The following TRPM3 variants were observed in gnomAD, a reference collection of about 807,000 sequenced individuals.
TRPM3 encodes long transient receptor potential channel 3.
TRPM3 carries 77 observed loss-of-function variants against 181.2 expected under a neutral mutation model. The ratio of observed to expected loss-of-function variants is 0.42; its 90% CI spans 0.35 to 0.51. TRPM3 has a LOEUF of 0.51. Ranked by LOEUF, TRPM3 falls within the 20% of genes least tolerant of loss-of-function variation. The probability of loss-of-function intolerance (pLI) is 0.01; values close to 1 mark genes in which losing one functional copy is unlikely to be tolerated. For missense variants in TRPM3, 1,759 were observed against 2,196.7 expected, an observed-to-expected ratio of 0.80 and a Z score of 3.98; for synonymous variants, 745 against 796.4, an observed-to-expected ratio of 0.94 and a Z score of 1.09.
At chr9:71,215,026 CAAAAAACAAAAAAA>C (rs1256873148) in intron 1 of TRPM3, among the ~76,000 whole-genome samples, 1 of 15,236 alleles carries the variant, frequency 6.6e-5, no homozygotes, top group Non-Finnish European at 1.4e-4. Context: ...TCTGCCTCAC[CAAAAAACAAAAAAA>C]AAAAAACAAA....
Position 70,535,246 on chromosome 9 carries a change from A to C in TRPM3, c.*707T>G. Reference sequence around the variant, plus strand: ...TCTTCTTTCATTTCGATTGCAATACAAAAAGGCATTTCTGTTCCCTTATTT... The same window carrying C: ...TCTTCTTTCATTTCGATTGCAATACCAAAAGGCATTTCTGTTCCCTTATTT... On this transcript the variant is annotated 3_prime_UTR_variant, in exon 26 of 26. Transcript: ENST00000677713. The C allele has an allele frequency of 3.0e-6, 2 of 676,794 alleles. No individual in the cohort carries two copies. The highest frequency in any genetic ancestry group is 4.8e-6 in the Non-Finnish European group (2 of 418,384). 41.9% of individuals were successfully genotyped at this position (676,794 alleles called of 1,614,324 possible).
intron 1 of TRPM3, among the ~76,000 whole-genome samples, chr9:71,274,802 T>C (rs887608349): frequency 6.6e-6 from 1 of 152,288 alleles, no homozygotes; most frequent in Non-Finnish European, 1.5e-5. Flanking sequence ...GCTTCTAGTA[T>C]GTTTTGTGAC....
chr9:70,544,999 C>T lies in TRPM3; in HGVS notation c.3707+4543G>A, dbSNP rs2044464254. 3.9e-5 allele frequency among the ~76,000 whole-genome samples: 6 copies of T among 152,018 alleles called. No homozygotes were observed. The South Asian group carries it at 1.2e-3, about 32-fold the overall frequency. On this transcript the variant is annotated intron_variant, in intron 25 of 25. Transcript: ENST00000677713. ...TCACCATTTATTGAAAGCATAATAC[C>T]TCATATATGCCCCTCAATAACTTTT...
At chr9:70,568,037 T>C (rs917137231) in intron 22 of TRPM3, among the ~76,000 whole-genome samples, 7 of 152,166 alleles carry the variant, frequency 4.6e-5, no homozygotes, top group African/African-American at 1.7e-4. Context: ...AATACTAAGT[T>C]AAGCTAACAA....
intron 1 of TRPM3, among the ~76,000 whole-genome samples, chr9:71,268,215 A>T (rs1011138319): frequency 6.6e-6 from 1 of 151,194 alleles, no homozygotes; most frequent in Non-Finnish European, 1.5e-5. Context: ...ACAATGCCCT[A>T]CTAAAAATAC....
chr9:71,057,709 T>A (rs1220194098), intron 1 of TRPM3, among the ~76,000 whole-genome samples: 1 of 152,090 alleles, frequency 6.6e-6, no homozygotes, highest in Admixed American at 6.6e-5. Flanking sequence ...CAAGTTCTGA[T>A]GATAAAGTAC....
At chr9:70,677,603 T>C (rs894179058) in intron 9 of TRPM3, among the ~76,000 whole-genome samples, 1 of 152,240 alleles carries the variant, frequency 6.6e-6, no homozygotes, top group African/African-American at 2.4e-5. Flanking sequence ...TGTGTTAGCA[T>C]TCCATCAGAC....
Position 71,406,366 on chromosome 9 carries a change from G to T in TRPM3, c.183+40287C>A, listed in dbSNP as rs542030456. ...AGAACTTAACTAAAATTGTCCTCAA[G>T]GAATAAAAGGACAGAAAGCTATGTT... On this transcript the variant is annotated intron_variant, in intron 1 of 24. Transcript: ENST00000357533. Among the ~76,000 whole-genome samples, 3 of 152,204 alleles carry T rather than the reference G, an allele frequency of 2.0e-5. No individual in the cohort carries two copies. The South Asian group carries it at 6.2e-4, about 32-fold the overall frequency.
At chr9:70,983,972 C>A (rs191354594) in intron 1 of TRPM3, among the ~76,000 whole-genome samples, 1 of 152,026 alleles carries the variant, frequency 6.6e-6, no homozygotes, top group Non-Finnish European at 1.5e-5. Flanking sequence ...TCATTTTTAT[C>A]GATGGTCTGG....
At chr9:71,077,682 CA>C (rs2063658389) in intron 1 of TRPM3, among the ~76,000 whole-genome samples, 1 of 152,078 alleles carries the variant, frequency 6.6e-6, no homozygotes, top group East Asian at 1.9e-4. Flanking sequence ...CGTTTTTACC[CA>C]CACTCTGCCC....
At chr9:70,821,435 T>C (rs908383313) in intron 6 of TRPM3, among the ~76,000 whole-genome samples, 1 of 152,200 alleles carries the variant, frequency 6.6e-6, no homozygotes, top group Non-Finnish European at 1.5e-5. Context: ...TTTTAAATTC[T>C]TATCAGGATA....
At chr9:71,431,602 G>C (rs2093954361) in intron 1 of TRPM3, among the ~76,000 whole-genome samples, 1 of 152,108 alleles carries the variant, frequency 6.6e-6, no homozygotes, top group Non-Finnish European at 1.5e-5. Flanking sequence ...TCTTACCTCT[G>C]ACTCACGAGT....
At chr9:71,387,133 A>C (rs2092943504) in intron 1 of TRPM3, among the ~76,000 whole-genome samples, 2 of 152,210 alleles carry the variant, frequency 1.3e-5, no homozygotes, top group Non-Finnish European at 2.9e-5. Context: ...GAAGGAATAA[A>C]TTAGACTCGA....
chr9:70,866,571 T>A (rs1420503384), intron 1 of TRPM3, among the ~76,000 whole-genome samples: 1 of 152,082 alleles, frequency 6.6e-6, no homozygotes, highest in African/African-American at 2.4e-5. Context: ...AAGAGAGACC[T>A]GTCCAGGGTT....
At chr9:70,694,883 A>G (rs2060337866) in intron 8 of TRPM3, among the ~76,000 whole-genome samples, 1 of 152,188 alleles carries the variant, frequency 6.6e-6, no homozygotes, top group Admixed American at 6.5e-5. Context: ...TCTATTCTAC[A>G]CCACAAATAC....
chr9:70,567,071 G>C (rs2050795593), intron 22 of TRPM3, among the ~76,000 whole-genome samples: 1 of 152,190 alleles, frequency 6.6e-6, no homozygotes, highest in Non-Finnish European at 1.5e-5. Context: ...CTTAGTGGTT[G>C]CTGCTTAGCT....
intron 1 of TRPM3, among the ~76,000 whole-genome samples, chr9:71,051,585 T>C (rs1590995320): frequency 6.6e-6 from 1 of 151,946 alleles, no homozygotes. Context: ...GGACAGAAAG[T>C]GAAAATGGCG....
intron 22 of TRPM3, among the ~76,000 whole-genome samples, chr9:70,560,372 C>T (rs771172864): frequency 4.6e-5 from 7 of 152,248 alleles, no homozygotes; most frequent in Non-Finnish European, 8.8e-5. Flanking sequence ...TATATGTATT[C>T]TGCTCTACCT....
At chr9:71,219,579 A>T (rs1412889114) in intron 1 of TRPM3, among the ~76,000 whole-genome samples, 1 of 152,138 alleles carries the variant, frequency 6.6e-6, no homozygotes, top group African/African-American at 2.4e-5. Context: ...AAAATTGCAC[A>T]CTCTCCTACA....
Sources: gnomAD v4.1 joint callset for allele counts (sites outside exome capture counted in the v4.1 genomes callset) on GRCh38, gnomAD v4.1.1 for gene constraint, MANE v1.5 for transcripts, NCBI Gene and HGNC (gene_info 2026-07-23, HGNC 2026-07-21) for gene names.